Variants in IQGAP2 observed in about 807,000 individuals in gnomAD.
IQGAP2 encodes IQ motif containing GTPase activating protein 2, also known as ras GTPase-activating-like protein IQGAP2.
A neutral mutation model predicts 201.3 loss-of-function variants in IQGAP2; 173 were observed. That is an observed-to-expected ratio of 0.86 (90% CI 0.76 to 0.98). IQGAP2 has a LOEUF of 0.98. IQGAP2 is among the 50% of genes least tolerant of loss of function. IQGAP2 has a pLI of 0.00. For synonymous variants in IQGAP2, 675 were observed against 673.9 expected, an observed-to-expected ratio of 1.00 and a Z score of -0.03; for missense variants, 1,687 against 1,864.8, an observed-to-expected ratio of 0.90 and a Z score of 1.76.
chr5:76,662,797 A>G (rs1401150437), intron 21 of IQGAP2, among the ~76,000 whole-genome samples: 2 of 152,182 alleles, frequency 1.3e-5, no homozygotes, highest in East Asian at 1.9e-4. Context: ...AAGACATTTT[A>G]TATATTGGTA....
At chr5:76,556,426 T>C (rs1160325267) in intron 2 of IQGAP2, among the ~76,000 whole-genome samples, 1 of 152,194 alleles carries the variant, frequency 6.6e-6, no homozygotes, top group Non-Finnish European at 1.5e-5. Flanking sequence ...GCTTGCTGGC[T>C]GCTCTTTGAT....
At chr5:76,510,514 C>T (rs1162229872) in intron 2 of IQGAP2, 5 of 374,032 alleles carry the variant, frequency 1.3e-5, no homozygotes, top group Non-Finnish European at 2.6e-5. Flanking sequence ...CCGTGGTGCT[C>T]ATCTGGCTGC....
At chr5:76,676,179 C>T (rs1222051874) in intron 27 of IQGAP2, among the ~76,000 whole-genome samples, 1 of 152,038 alleles carries the variant, frequency 6.6e-6, no homozygotes, top group Non-Finnish European at 1.5e-5. Flanking sequence ...TTATTCCTAT[C>T]AGTCATTTAT....
chr5:76,619,804 C>T (rs1180337443), intron 13 of IQGAP2, among the ~76,000 whole-genome samples: 1 of 152,136 alleles, frequency 6.6e-6, no homozygotes, highest in Non-Finnish European at 1.5e-5. Flanking sequence ...AGGCGTGAGC[C>T]ACCGCGCCCG....
chr5:76,598,511 C>T (rs1352036193), intron 10 of IQGAP2, among the ~76,000 whole-genome samples: 1 of 151,866 alleles, frequency 6.6e-6, no homozygotes, highest in Non-Finnish European at 1.5e-5. Context: ...TAAATTAAAA[C>T]ACAGTACACT....
rs546605456 is a variant in IQGAP2, at chr5:76,461,039, T to C, written c.47-531T>C. 4.0e-4 allele frequency among the ~76,000 whole-genome samples: 60 copies of C among 150,744 alleles called. 1 individual carries two copies. Among genetic ancestry groups the C allele is most frequent in the African/African-American group, 1.4e-3 (57 of 41,160 alleles). ...GACTACAGGTGCCCCCCACCACACC[T>C]GGCTAATTTTTTGTATTTTTAGTAG... On this transcript the variant is annotated intron_variant, in intron 1 of 35. Transcript: ENST00000274364.
chr5:76,525,383 A>T (rs897438178), intron 2 of IQGAP2, among the ~76,000 whole-genome samples: 4 of 152,216 alleles, frequency 2.6e-5, no homozygotes, highest in African/African-American at 9.6e-5. Context: ...AGGACTTAAA[A>T]TCTGGAGCCA....
chr5:76,511,155 G>C (rs1482385228), intron 2 of IQGAP2, among the ~76,000 whole-genome samples: 3 of 152,120 alleles, frequency 2.0e-5, no homozygotes, highest in African/African-American at 7.2e-5. Flanking sequence ...GGAAAACCTT[G>C]GTTGCGATGG....
chr5:76,604,607 A>G (rs1241416004), intron 11 of IQGAP2, among the ~76,000 whole-genome samples: 3 of 151,742 alleles, frequency 2.0e-5, no homozygotes, highest in African/African-American at 7.3e-5. Flanking sequence ...TTACTTTCTC[A>G]TTTCACTCCT....
chr5:76,663,064 G>A (rs765520619), intron 21 of IQGAP2, among the ~76,000 whole-genome samples: 18 of 152,244 alleles, frequency 1.2e-4, no homozygotes, highest in Non-Finnish European at 2.2e-4. Context: ...CCAGCTATGG[G>A]AGAATGGGGT....
Position 76,426,069 on chromosome 5 carries a change from G to A in IQGAP2, c.46+22478G>A, listed in dbSNP as rs1372067916. Among the ~76,000 whole-genome samples, 10 of 152,074 alleles carry A rather than the reference G, an allele frequency of 6.6e-5. No homozygotes were observed. In the East Asian group the frequency reaches 1.2e-3, roughly 18 times the overall value. The stretch of plus-strand genomic sequence containing the variant: ...GCGCAGTTCTGGGTTTCCCTTCATC[G>A]GCATCCAGTCATTTTCAGTGAGCAG... On this transcript the variant is annotated intron_variant, in intron 1 of 35. Coordinates refer to ENST00000274364, the MANE Select transcript of IQGAP2 (RefSeq NM_006633.5).
chr5:76,489,771 T>C (rs890798820), intron 2 of IQGAP2, among the ~76,000 whole-genome samples: 1 of 152,222 alleles, frequency 6.6e-6, no homozygotes, highest in African/African-American at 2.4e-5. Flanking sequence ...CCAGCCCACA[T>C]ACACTTTTAA....
intron 3 of IQGAP2, among the ~76,000 whole-genome samples, chr5:76,564,724 G>A (rs1454754357): frequency 6.6e-6 from 1 of 152,188 alleles, no homozygotes; most frequent in Non-Finnish European, 1.5e-5. Context: ...ATACTTGCGG[G>A]GCGTAGGCAG....
intron 2 of IQGAP2, among the ~76,000 whole-genome samples, chr5:76,555,192 A>G (rs190172244): frequency 2.9e-4 from 44 of 152,314 alleles, no homozygotes; most frequent in African/African-American, 1.0e-3. Flanking sequence ...TTTTCGGTGT[A>G]AGGAAGATGT....
chr5:76,636,010 C>T (rs925710624), intron 15 of IQGAP2, among the ~76,000 whole-genome samples: 1 of 152,342 alleles, frequency 6.6e-6, no homozygotes, highest in Non-Finnish European at 1.5e-5. Context: ...AGAGATACAT[C>T]TCTCTTCCTG....
At chr5:76,662,019 A>T (rs1265239766) in intron 21 of IQGAP2, among the ~76,000 whole-genome samples, 1 of 152,220 alleles carries the variant, frequency 6.6e-6, no homozygotes, top group African/African-American at 2.4e-5. Context: ...TTTATTAAGA[A>T]TCAGGAAAAG....
intron 5 of IQGAP2, among the ~76,000 whole-genome samples, chr5:76,586,997 TAA>T (rs2074365860): frequency 6.6e-6 from 1 of 152,224 alleles, no homozygotes; most frequent in South Asian, 2.1e-4. Flanking sequence ...ATACCAGTTA[TAA>T]AAGTCATTGA....
At chr5:76,697,828 A>T (rs544494795) in intron 32 of IQGAP2, among the ~76,000 whole-genome samples, 159 bp from the exon 33 acceptor site, 1 of 152,272 alleles carries the variant, frequency 6.6e-6, no homozygotes, top group East Asian at 1.9e-4. Flanking sequence ...AGGGATGGGA[A>T]CCCTGTGGTG....
At chr5:76,639,855 G>T (rs2150400337) in intron 16 of IQGAP2, among the ~76,000 whole-genome samples, 1 of 152,254 alleles carries the variant, frequency 6.6e-6, no homozygotes, top group Admixed American at 6.5e-5. Flanking sequence ...AAACGACATT[G>T]TAGCAATGGA....
Sources: allele counts gnomAD v4.1 joint callset (sites outside exome capture counted in the v4.1 genomes callset), GRCh38; gene constraint gnomAD v4.1.1; transcripts MANE v1.5; gene names NCBI Gene and HGNC (gene_info 2026-07-23, HGNC 2026-07-21).